The following MYO3B variants were observed in gnomAD, a reference collection of about 807,000 sequenced individuals.
MYO3B encodes myosin IIIB, also known as myosin-IIIb.
MYO3B carries 156 observed loss-of-function variants against 174.6 expected under a neutral mutation model. That is an observed-to-expected ratio of 0.89 (90% CI 0.78 to 1.02). The LOEUF is 1.02. Among genes scored for constraint, MYO3B ranks in the 50% least tolerant of loss-of-function variants. The pLI, the probability that MYO3B is intolerant of heterozygous loss-of-function variation, is 0.00. For synonymous variants in MYO3B, 563 were observed against 569.1 expected, an observed-to-expected ratio of 0.99 and a Z score of 0.15; for missense variants, 1,632 against 1,639.4, an observed-to-expected ratio of 1.00 and a Z score of 0.08.
At chr2:170,247,353 A>G (rs1037214937) in intron 7 of MYO3B, among the ~76,000 whole-genome samples, 7 of 152,180 alleles carry the variant, frequency 4.6e-5, no homozygotes, top group Non-Finnish European at 8.8e-5. Context: ...CCTGTGGAAT[A>G]TGATCCGAAG....
At chr2:170,193,835 T>A (rs992922722) in intron 1 of MYO3B, among the ~76,000 whole-genome samples, 1 of 152,170 alleles carries the variant, frequency 6.6e-6, no homozygotes, top group African/African-American at 2.4e-5. Flanking sequence ...ACCTTAATTT[T>A]AAAGAGGATA....
intron 32 of MYO3B, among the ~76,000 whole-genome samples, chr2:170,630,639 C>T (rs1696874345): frequency 6.6e-6 from 1 of 152,216 alleles, no homozygotes; most frequent in South Asian, 2.1e-4. Flanking sequence ...TAGGAGACAC[C>T]TCCCAGTAGA....
rs777495303 is a variant in MYO3B at position 170,214,754 on chromosome 2, G to A, written c.452G>A (p.Arg151Gln). ...GGCCTTCAGCATTTGCACAACAACC[G>A]AATCATCCACCGTGATGTGAAGGGG... The part of the protein sequence containing the change: ...LLGLQHLHNN[R>Q]IIHRDVKGNN... Residue 151 changes from arginine (R) to glutamine (Q), a missense_variant, in exon 5 of 35, where the codon CGA becomes CAA. Coordinates refer to ENST00000408978, the MANE Select transcript of MYO3B (RefSeq NM_138995.5). The A allele has an allele frequency of 1.9e-6, 3 of 1,614,064 alleles. No homozygotes were observed. Among genetic ancestry groups the A allele is most frequent in the South Asian group, 1.1e-5 (1 of 91,042 alleles).
chr2:170,371,769 A>G (rs968870362), intron 9 of MYO3B, among the ~76,000 whole-genome samples: 3 of 151,430 alleles, frequency 2.0e-5, no homozygotes, highest in Admixed American at 6.6e-5. Flanking sequence ...TTTTCTGCAC[A>G]GTTATGGCCA....
At chr2:170,358,117 A>T (rs78901107) in intron 8 of MYO3B, among the ~76,000 whole-genome samples, 13,583 of 151,650 alleles carry the variant, frequency 0.09, 625 homozygotes, top group Middle Eastern at 0.13. Context: ...GCACCATTGC[A>T]CTCCAGCCTG....
At chr2:170,490,479 T>A (rs1686398217) in intron 25 of MYO3B, among the ~76,000 whole-genome samples, 1 of 152,204 alleles carries the variant, frequency 6.6e-6, no homozygotes, top group African/African-American at 2.4e-5. Flanking sequence ...AATAATTGTG[T>A]CATCTTCAAA....
intron 7 of MYO3B, among the ~76,000 whole-genome samples, chr2:170,260,584 C>A (rs541922158): frequency 2.6e-5 from 4 of 152,284 alleles, no homozygotes; most frequent in African/African-American, 9.6e-5. Context: ...GGTTGAAAAA[C>A]CACCTATTGG....
At chr2:170,540,668 A>AT (rs1352932500) in intron 30 of MYO3B, among the ~76,000 whole-genome samples, 4 of 150,356 alleles carry the variant, frequency 2.7e-5, no homozygotes, top group South Asian at 2.1e-4. Flanking sequence ...AAAACAACAA[A>AT]AAAAACAAAA....
At position 170,498,589 on chromosome 2, in the gene MYO3B, C is replaced by T. The variant is rs1310602364; in HGVS notation, c.3015-3C>T. 2 of 1,602,386 alleles carry T rather than the reference C, an allele frequency of 1.2e-6. No individual in the cohort carries two copies. Among genetic ancestry groups the T allele is most frequent in the Non-Finnish European group, 1.7e-6 (2 of 1,169,878 alleles). ...GGCTTCACTTAATTCTTTTATTTTG[C>T]AGGTATTATTACTTGGCATTCACAG... On this transcript the variant is annotated splice_region_variant and splice_polypyrimidine_tract_variant and intron_variant, in intron 25 of 34. Coordinates refer to ENST00000408978, the MANE Select transcript of MYO3B (RefSeq NM_138995.5).
At chr2:170,615,477 G>C (rs1695399234) in intron 32 of MYO3B, among the ~76,000 whole-genome samples, 1 of 152,256 alleles carries the variant, frequency 6.6e-6, no homozygotes. Context: ...TGAGAGCAAA[G>C]CTGGTATGTT....
intron 22 of MYO3B, among the ~76,000 whole-genome samples, chr2:170,416,622 CCTT>C (rs1351181292): frequency 1.4e-5 from 2 of 140,840 alleles, no homozygotes; most frequent in African/African-American, 5.0e-5. Flanking sequence ...AATCCAAACT[CCTT>C]TTTTTTTTTT....
At chr2:170,289,839 A>G (rs2093584005) in intron 7 of MYO3B, among the ~76,000 whole-genome samples, 1 of 152,048 alleles carries the variant, frequency 6.6e-6, no homozygotes, top group Non-Finnish European at 1.5e-5. Context: ...ATTTACTGCT[A>G]TACATTTCCC....
At chr2:170,542,605 G>A (rs993187178) in intron 30 of MYO3B, among the ~76,000 whole-genome samples, 2 of 152,168 alleles carry the variant, frequency 1.3e-5, no homozygotes, top group African/African-American at 4.8e-5. Flanking sequence ...TCTTGGTAAA[G>A]GTTGTGGAAG....
At chr2:170,573,221 C>CTGTG (rs528708673) in intron 32 of MYO3B, among the ~76,000 whole-genome samples, 4,946 of 89,750 alleles carry the variant, frequency 0.055, 196 homozygotes, top group East Asian at 0.24. Context: ...TATATGTATA[C>CTGTG]TGTGTGTATA....
intron 6 of MYO3B, among the ~76,000 whole-genome samples, chr2:170,232,965 A>G (rs6433184): frequency 0.79 from 120,861 of 152,224 alleles, 49,989 homozygotes; most frequent in East Asian, 0.92. Context: ...GTCTGTAAAG[A>G]GAAGTTGAAA....
At chr2:170,622,902 T>C (rs1387131258) in intron 32 of MYO3B, among the ~76,000 whole-genome samples, 1 of 152,162 alleles carries the variant, frequency 6.6e-6, no homozygotes, top group Non-Finnish European at 1.5e-5. Flanking sequence ...GGACAGGAAC[T>C]CATCATTTTT....
intron 32 of MYO3B, among the ~76,000 whole-genome samples, chr2:170,601,455 G>T (rs1694504433): frequency 6.6e-6 from 1 of 152,218 alleles, no homozygotes; most frequent in East Asian, 1.9e-4. Flanking sequence ...AGACACATTT[G>T]GTAGTGTGTT....
intron 25 of MYO3B, among the ~76,000 whole-genome samples, chr2:170,480,029 ATG>A (rs57251934): frequency 3.5e-5 from 4 of 113,786 alleles, no homozygotes; most frequent in African/African-American, 5.8e-5. Context: ...ACCTATATAT[ATG>A]TGTGTGTGTG....
chr2:170,605,874 G>A (rs1227151937), intron 32 of MYO3B, among the ~76,000 whole-genome samples: 1 of 151,906 alleles, frequency 6.6e-6, no homozygotes, highest in Non-Finnish European at 1.5e-5. Flanking sequence ...AAAAGAAGTG[G>A]CACCAATGTC....
Sources: allele counts gnomAD v4.1 joint callset (sites outside exome capture counted in the v4.1 genomes callset), GRCh38; gene constraint gnomAD v4.1.1; transcripts MANE v1.5; gene names NCBI Gene and HGNC (gene_info 2026-07-23, HGNC 2026-07-21).